The following ATR variants were observed in gnomAD, a reference collection of about 807,000 sequenced individuals.
ATR encodes ATR checkpoint kinase, also known as serine/threonine-protein kinase ATR.
Under a neutral mutation model 305.3 loss-of-function variants are expected in ATR, and 142 were observed. The ratio of observed to expected loss-of-function variants is 0.47; its 90% CI spans 0.41 to 0.53. ATR has a LOEUF of 0.53. ATR is among the 20% of genes least tolerant of loss of function. The probability of loss-of-function intolerance (pLI) is 0.00; values close to 1 mark genes in which losing one functional copy is unlikely to be tolerated. For missense variants in ATR, 2,135 were observed against 3,133.1 expected (o/e 0.68, Z 7.60); for synonymous variants, 1,050 against 1,068.1 (o/e 0.98, Z 0.33).
chr3:142,514,142 G>A (rs779434283), intron 25 of ATR, among the ~76,000 whole-genome samples: 3 of 151,672 alleles, frequency 2.0e-5, no homozygotes, highest in African/African-American at 4.8e-5. Flanking sequence ...GTATGGTGGC[G>A]GGTGCCTGTA....
intron 23 of ATR, among the ~76,000 whole-genome samples, chr3:142,521,385 T>C (rs192902419): frequency 6.6e-6 from 1 of 152,190 alleles, no homozygotes; most frequent in African/African-American, 2.4e-5. Flanking sequence ...TAACACAACA[T>C]CCATTTTGCA....
chr3:142,558,737 C>T lies in ATR; in HGVS notation c.1772G>A (p.Cys591Tyr). 2 of 1,611,048 alleles carry T rather than the reference C, an allele frequency of 1.2e-6. No homozygotes were observed. Among genetic ancestry groups the T allele is most frequent in the Non-Finnish European group, 1.7e-6 (2 of 1,177,880 alleles). ...AATCCATGGAAGTGAGAGCATACCA[C>T]ATAAATCTTCCAGGATATGATCTTC... is the stretch of plus-strand genomic sequence containing the variant. ...SFEDHILEDL[C>Y]GMLSLPWIYS... Residue 591 changes from cysteine to tyrosine, a missense_variant, in exon 8 of 47, where the codon TGT becomes TAT. Physicochemically the swap from Cys to Tyr is radical, Grantham distance 194. Coordinates refer to ENST00000350721, the MANE Select transcript of ATR (RefSeq NM_001184.4).
chr3:142,542,618 A>G, intron 17 of ATR, 47 bp downstream of exon 17: 3 of 1,468,082 alleles, frequency 2.0e-6, no homozygotes, highest in East Asian at 4.6e-5. Context: ...ATTTATCTAT[A>G]TTCTGTATGA....
At chr3:142,522,706 T>C (rs1442953277) in intron 23 of ATR, 22 bp downstream of exon 23, 2 of 1,553,906 alleles carry the variant, frequency 1.3e-6, no homozygotes, top group South Asian at 1.1e-5. Context: ...TTAAAGCCAG[T>C]AATGACTATA....
chr3:142,479,051 T>G (rs935146543), intron 36 of ATR, among the ~76,000 whole-genome samples: 1 of 152,232 alleles, frequency 6.6e-6, no homozygotes, highest in African/African-American at 2.4e-5. Context: ...AATTTGCCAG[T>G]CTGTGTCTTT....
At chr3:142,567,896 G>A (rs2035126441) in intron 2 of ATR, among the ~76,000 whole-genome samples, 167 bp downstream of exon 2, 1 of 152,146 alleles carries the variant, frequency 6.6e-6, no homozygotes, top group African/African-American at 2.4e-5. Context: ...TTCAAATTTT[G>A]TAACAAGCAA....
At chr3:142,499,777 T>C in intron 30 of ATR, 59 bp from the exon 31 acceptor site, 1 of 1,415,528 alleles carries the variant, frequency 7.1e-7, no homozygotes, top group Non-Finnish European at 1.0e-6. Context: ...CATTCAGAGA[T>C]TTTTCATTGG....
chr3:142,550,025 T>TA, intron 14 of ATR, 107 bp downstream of exon 14: 1 of 1,421,300 alleles, frequency 7.0e-7, no homozygotes, highest in Admixed American at 1.9e-5. Flanking sequence ...CACTTAAACT[T>TA]AAGTTTTACA....
chr3:142,449,397 A>C lies in ATR; in HGVS notation c.*32T>G. On this transcript the variant is annotated 3_prime_UTR_variant, in exon 47 of 47. Coordinates refer to ENST00000350721, the MANE Select transcript of ATR (RefSeq NM_001184.4). ...TTCATACCAAATGCATTACTTTTAGATTATTAACATATTCTTTTACATAAT... is the reference window on the plus strand; with the variant it reads ...TTCATACCAAATGCATTACTTTTAGCTTATTAACATATTCTTTTACATAAT... 2.5e-5 allele frequency: 39 copies of C among 1,563,952 alleles called. No homozygotes were observed. Among genetic ancestry groups the C allele is most frequent in the Non-Finnish European group, 3.4e-5 (39 of 1,134,748 alleles).
chr3:142,531,492 G>A (rs1360514879), intron 21 of ATR, among the ~76,000 whole-genome samples: 2 of 152,044 alleles, frequency 1.3e-5, no homozygotes, highest in South Asian at 2.1e-4. Flanking sequence ...ACCAATGAGT[G>A]AGAACATGCG....
chr3:142,460,322 A>C (rs2070997705), intron 42 of ATR, among the ~76,000 whole-genome samples: 2 of 152,182 alleles, frequency 1.3e-5, no homozygotes, highest in African/African-American at 4.8e-5. Flanking sequence ...TGAAATCCTA[A>C]TTCTTGGTAC....
At chr3:142,538,687 A>G (rs1360877572) in intron 18 of ATR, 62 bp from the exon 19 acceptor site, 6 of 1,588,954 alleles carry the variant, frequency 3.8e-6, no homozygotes, top group Middle Eastern at 1.7e-4. Flanking sequence ...AAGCTCTATC[A>G]ATCAGTAATT....
chr3:142,466,318 G>A lies in ATR; in HGVS notation c.6897+6C>T. The A allele has an allele frequency of 1.2e-6, 2 of 1,611,208 alleles. No homozygotes were observed. The highest frequency in any genetic ancestry group is 1.7e-6 in the Non-Finnish European group (2 of 1,177,508). On this transcript the variant is annotated splice_donor_region_variant and intron_variant, in intron 40 of 46. Transcript: ENST00000350721. ...AAAATCATAGTCATATAAAACTGAA[G>A]TTTACCATATCATCAAACCCTGCAA...
At chr3:142,566,019 C>T (rs1052790518) in intron 3 of ATR, 102 bp downstream of exon 3, 2 of 1,519,762 alleles carry the variant, frequency 1.3e-6, no homozygotes, top group Admixed American at 3.4e-5. Context: ...GCAAAGCTGA[C>T]CCAAAAAAGT....
chr3:142,482,588 T>C (rs1463382470), intron 36 of ATR, among the ~76,000 whole-genome samples: 2 of 152,044 alleles, frequency 1.3e-5, no homozygotes, highest in African/African-American at 2.4e-5. Context: ...TCTCAGAGCG[T>C]TGGGAGGCTG....
chr3:142,547,606 A>G, intron 16 of ATR, 119 bp downstream of exon 16: 1 of 1,185,568 alleles, frequency 8.4e-7, no homozygotes, highest in Non-Finnish European at 1.2e-6. Context: ...ACCAACTTAA[A>G]ATTTAAACAA....
rs1220784877 is a variant in ATR at position 142,560,331 on chromosome 3, T to C, written c.1473A>G (p.Glu491=). 1.2e-6 allele frequency: 2 copies of C among 1,613,908 alleles called. No individual in the cohort carries two copies. The highest frequency in any genetic ancestry group is 1.3e-5 in the African/African-American group (1 of 75,022). Residue 491 remains glutamate (E), a synonymous_variant, in exon 6 of 47, where the codon GAA becomes GAG. Coordinates refer to ENST00000350721, the MANE Select transcript of ATR (RefSeq NM_001184.4). Reference sequence around the variant, plus strand: ...TCAGTTGTAAGACAACAGCAATTCCTTCTAACATCTCAATAACAGGATTCT... The same window carrying C: ...TCAGTTGTAAGACAACAGCAATTCCCTCTAACATCTCAATAACAGGATTCT... ...GLKNPVIEML[E]GIAVVLQLTA...
At chr3:142,474,749 AT>A (rs1397569526) in intron 36 of ATR, among the ~76,000 whole-genome samples, 1 of 152,088 alleles carries the variant, frequency 6.6e-6, no homozygotes, top group East Asian at 1.9e-4. Context: ...TATGGCTAGG[AT>A]TCCTGGTACT....
intron 42 of ATR, among the ~76,000 whole-genome samples, chr3:142,461,381 CTATT>C (rs1313986719): frequency 5.9e-5 from 9 of 152,072 alleles, no homozygotes; most frequent in African/African-American, 2.2e-4. Context: ...TCCCACTTCC[CTATT>C]TATTTATTTA....
Sources: allele counts gnomAD v4.1 joint callset (sites outside exome capture counted in the v4.1 genomes callset), GRCh38; gene constraint gnomAD v4.1.1; transcripts MANE v1.5; gene names NCBI Gene and HGNC (gene_info 2026-07-23, HGNC 2026-07-21).